ARB2A: variants seen among roughly 807,000 people sequenced by gnomAD.
The protein encoded by ARB2A is cotranscriptional regulator ARB2A.
the ARB2A span, among the ~76,000 whole-genome samples, chr5:93,846,802 G>T: frequency 1.4e-3 from 211 of 152,234 alleles, 1 homozygote; most frequent in African/African-American, 4.9e-3. Context: ...GAAGGGTCTT[G>T]CCTCAATGTT....
At chr5:94,089,561 A>G in the ARB2A span, among the ~76,000 whole-genome samples, 7 of 151,206 alleles carry the variant, frequency 4.6e-5, no homozygotes, top group East Asian at 1.4e-3. Flanking sequence ...AAATACTCAT[A>G]TATTTTAATA....
chr5:93,904,046 AGAAATTCTAACT>A, the ARB2A span, among the ~76,000 whole-genome samples: 9 of 152,046 alleles, frequency 5.9e-5, no homozygotes, highest in East Asian at 1.7e-3. Flanking sequence ...AGATTTAAAA[AGAAATTCTAACT>A]CATGGCAGAG....
the ARB2A span, among the ~76,000 whole-genome samples, chr5:93,896,303 T>C: frequency 2.0e-5 from 3 of 152,104 alleles, no homozygotes; most frequent in Admixed American, 2.0e-4. Context: ...ACTTTTTGAG[T>C]ACTGACATGA....
chr5:93,973,104 A>G, the ARB2A span, among the ~76,000 whole-genome samples: 3 of 134,722 alleles, frequency 2.2e-5, no homozygotes, highest in Admixed American at 2.5e-4. Flanking sequence ...GCATGTCACC[A>G]TGCCCAGATA....
chr5:93,951,346 G>C, the ARB2A span, among the ~76,000 whole-genome samples: 1 of 152,106 alleles, frequency 6.6e-6, no homozygotes, highest in Non-Finnish European at 1.5e-5. Context: ...GATCCCGTTT[G>C]TCCATTTCTG....
At chr5:93,754,121 A>G in the ARB2A span, among the ~76,000 whole-genome samples, 1 of 152,266 alleles carries the variant, frequency 6.6e-6, no homozygotes, top group Middle Eastern at 3.4e-3. Context: ...TTTGCCAGTA[A>G]CTCTGCTTTA....
the ARB2A span, among the ~76,000 whole-genome samples, chr5:93,831,293 C>T: frequency 0.025 from 1,970 of 77,800 alleles, 18 homozygotes; most frequent in African/African-American, 0.042. Flanking sequence ...CAAGCCACTC[C>T]GCTGCTAAAA....
At chr5:93,734,519 A>C in the ARB2A span, 6 of 152,226 alleles carry the variant, frequency 3.9e-5, no homozygotes, top group Non-Finnish European at 8.8e-5. Flanking sequence ...TATTCTGCTT[A>C]TACTCTAAAG....
At chr5:93,865,852 G>C in the ARB2A span, 1 of 985,394 alleles carries the variant, frequency 1.0e-6, no homozygotes, top group African/African-American at 1.7e-5. Context: ...TATACAATTT[G>C]TGAGGTCAAA....
the ARB2A span, among the ~76,000 whole-genome samples, chr5:93,773,820 T>G: frequency 1.8e-4 from 27 of 152,200 alleles, no homozygotes; most frequent in African/African-American, 6.5e-4. Flanking sequence ...GGTACAGTAG[T>G]ACAATCATAG....
chr5:93,888,103 T>G, the ARB2A span, among the ~76,000 whole-genome samples: 3 of 151,856 alleles, frequency 2.0e-5, no homozygotes, highest in African/African-American at 7.2e-5. Flanking sequence ...ACCCACTCCA[T>G]TTCTAACTTT....
At chr5:93,769,284 C>T in the ARB2A span, among the ~76,000 whole-genome samples, 1 of 152,168 alleles carries the variant, frequency 6.6e-6, no homozygotes, top group Non-Finnish European at 1.5e-5. Context: ...AAAAACACTT[C>T]ATTAAATTGA....
chr5:93,955,310 A>C, the ARB2A span, among the ~76,000 whole-genome samples: 1 of 152,130 alleles, frequency 6.6e-6, no homozygotes, highest in Non-Finnish European at 1.5e-5. Context: ...TTTTTGTTAC[A>C]TTTTATTCAT....
chr5:94,083,942 C>T, the ARB2A span, among the ~76,000 whole-genome samples: 3 of 151,752 alleles, frequency 2.0e-5, no homozygotes, highest in Non-Finnish European at 2.9e-5. Flanking sequence ...TAGCAACAAT[C>T]AGTTATAAAG....
chr5:93,896,603 A>C, the ARB2A span, among the ~76,000 whole-genome samples: 1 of 152,122 alleles, frequency 6.6e-6, no homozygotes, highest in Admixed American at 6.6e-5. Context: ...AACCTGAAAC[A>C]TGTTAGATGA....
At chr5:93,646,708 T>C in the ARB2A span, among the ~76,000 whole-genome samples, 1 of 152,078 alleles carries the variant, frequency 6.6e-6, no homozygotes, top group Non-Finnish European at 1.5e-5. Context: ...ATCATAAAAT[T>C]TAGTGATACA....
the ARB2A span, among the ~76,000 whole-genome samples, chr5:94,099,624 CAA>C: frequency 0.091 from 1,208 of 13,290 alleles, 3 homozygotes; most frequent in African/African-American, 0.24. Context: ...GACTCCGTCT[CAA>C]AAAAAAAAAA....
chr5:94,092,361 T>C, the ARB2A span, among the ~76,000 whole-genome samples: 1 of 152,198 alleles, frequency 6.6e-6, no homozygotes, highest in East Asian at 1.9e-4. Flanking sequence ...GTACATATCC[T>C]TGTGCTTGAA....
chr5:94,031,242 G>C, the ARB2A span, among the ~76,000 whole-genome samples: 1 of 152,158 alleles, frequency 6.6e-6, no homozygotes, highest in Non-Finnish European at 1.5e-5. Flanking sequence ...GCGCTCAGAA[G>C]ATGAAAAGAA....
Sources: gnomAD v4.1 joint callset for allele counts (sites outside exome capture counted in the v4.1 genomes callset) on GRCh38, gnomAD v4.1.1 for gene constraint, MANE v1.5 for transcripts, NCBI Gene and HGNC (gene_info 2026-07-23, HGNC 2026-07-21) for gene names.